RNF220: variants seen among roughly 807,000 people sequenced by gnomAD.
RNF220 encodes E3 ubiquitin-protein ligase RNF220.
Under a neutral mutation model 67.1 loss-of-function variants are expected in RNF220, and 7 were observed. The ratio of observed to expected loss-of-function variants is 0.10; its 90% CI spans 0.06 to 0.20. The LOEUF (loss-of-function observed/expected upper bound fraction) is 0.20. RNF220 is among the 10% of genes least tolerant of loss of function. The pLI is 1.00. For synonymous variants in RNF220, 270 were observed against 283.2 expected (o/e 0.95, Z 0.47); for missense variants, 565 against 740.3 (o/e 0.76, Z 2.75).
chr1:44,478,822 G>A (rs1360211788), intron 2 of RNF220, among the ~76,000 whole-genome samples: 2 of 152,198 alleles, frequency 1.3e-5, no homozygotes, highest in Non-Finnish European at 2.9e-5. Flanking sequence ...GGTCCTAGGG[G>A]TTGAGAATGC....
intron 2 of RNF220, among the ~76,000 whole-genome samples, chr1:44,607,071 T>C (rs1221598069): frequency 6.6e-6 from 1 of 152,186 alleles, no homozygotes; most frequent in Non-Finnish European, 1.5e-5. Flanking sequence ...CTTAACTCTT[T>C]TCTGTCCCTT....
At chr1:44,647,338 C>T (rs747867362) in intron 12 of RNF220, among the ~76,000 whole-genome samples, 2 of 152,200 alleles carry the variant, frequency 1.3e-5, no homozygotes, top group Non-Finnish European at 2.9e-5. Flanking sequence ...AAATCCTTGT[C>T]TCCTTATCAG....
At chr1:44,580,754 G>C (rs1306763203) in intron 2 of RNF220, among the ~76,000 whole-genome samples, 2 of 152,200 alleles carry the variant, frequency 1.3e-5, no homozygotes, top group African/African-American at 4.8e-5. Context: ...GCCTCTCCCA[G>C]CCTTCAGAGC....
intron 1 of RNF220, 66 bp downstream of exon 1, chr1:44,405,596 C>G (rs1643356151): frequency 3.3e-6 from 1 of 300,416 alleles, no homozygotes; most frequent in South Asian, 7.8e-5. Flanking sequence ...CGAGGGCGGC[C>G]GGCTTGTTCA....
chr1:44,474,378 AAATAATAATAAT>A (rs61147848), intron 2 of RNF220, among the ~76,000 whole-genome samples: 6,813 of 137,602 alleles, frequency 0.05, 595 homozygotes, highest in African/African-American at 0.17. Flanking sequence ...CTGTCTCCAA[AAATAATAATAAT>A]AATAATAATA....
chr1:44,447,927 G>A (rs1018044099), intron 2 of RNF220, among the ~76,000 whole-genome samples: 1 of 152,194 alleles, frequency 6.6e-6, no homozygotes. Context: ...TAACAGCTTT[G>A]CGCGTCGCTT....
chr1:44,526,034 A>T (rs761262629), intron 2 of RNF220, among the ~76,000 whole-genome samples: 1 of 152,028 alleles, frequency 6.6e-6, no homozygotes, highest in Non-Finnish European at 1.5e-5. Context: ...TTCCTGCCCG[A>T]CCTTGACCCT....
chr1:44,503,036 T>G (rs1388090284), intron 2 of RNF220, among the ~76,000 whole-genome samples: 1 of 152,100 alleles, frequency 6.6e-6, no homozygotes, highest in Non-Finnish European at 1.5e-5. Context: ...TGGGTGCATT[T>G]GAAGTGTTTA....
chr1:44,559,670 C>T lies in RNF220; in HGVS notation c.626-54495C>T, dbSNP rs147105673. Among the ~76,000 whole-genome samples, 162 of 152,292 alleles carry T rather than the reference C, an allele frequency of 1.1e-3. No individual in the cohort carries two copies. In the East Asian group the frequency reaches 0.012, roughly 11 times the overall value. ...CTGTTAGGAAGAGGGGGCCACGGCCCTGACTCCAGGAAGCCAGAGCTGAAG... is the reference window on the plus strand; with the variant it reads ...CTGTTAGGAAGAGGGGGCCACGGCCTTGACTCCAGGAAGCCAGAGCTGAAG... On this transcript the variant is annotated intron_variant, in intron 2 of 14. Transcript: ENST00000361799.
chr1:44,449,614 A>G (rs2147924866), intron 2 of RNF220, among the ~76,000 whole-genome samples: 2 of 152,144 alleles, frequency 1.3e-5, no homozygotes, highest in Admixed American at 1.3e-4. Flanking sequence ...CGGTTTTGTC[A>G]TGTTGTCCAG....
At chr1:44,499,804 C>A (rs927768524) in intron 2 of RNF220, among the ~76,000 whole-genome samples, 1 of 152,218 alleles carries the variant, frequency 6.6e-6, no homozygotes, top group Non-Finnish European at 1.5e-5. Flanking sequence ...AAGTCCAAAA[C>A]TGAACTCCTT....
chr1:44,508,909 G>T (rs1453308469), intron 2 of RNF220, among the ~76,000 whole-genome samples: 1 of 152,070 alleles, frequency 6.6e-6, no homozygotes, highest in African/African-American at 2.4e-5. Context: ...CCTTTTTTAT[G>T]ATGAAGAAAC....
At chr1:44,551,415 A>AT (rs34388887) in intron 2 of RNF220, among the ~76,000 whole-genome samples, 124,443 of 151,380 alleles carry the variant, frequency 0.82, 53,784 homozygotes, top group Non-Finnish European at 0.97. Context: ...GTGCCCGGCC[A>AT]TTTTTTTTGT....
At chr1:44,476,490 T>A (rs746726157) in intron 2 of RNF220, among the ~76,000 whole-genome samples, 6 of 152,184 alleles carry the variant, frequency 3.9e-5, no homozygotes, top group Non-Finnish European at 8.8e-5. Context: ...GCTGGGTAGT[T>A]GTACCGGGAT....
At chr1:44,496,975 G>A (rs2148069975) in intron 2 of RNF220, among the ~76,000 whole-genome samples, 1 of 152,262 alleles carries the variant, frequency 6.6e-6, no homozygotes. Context: ...CCTGCCTCCT[G>A]CTGGCTTGGT....
intron 2 of RNF220, among the ~76,000 whole-genome samples, chr1:44,577,589 G>T (rs529597375): frequency 8.5e-4 from 129 of 152,336 alleles, no homozygotes; most frequent in Non-Finnish European, 1.6e-3. Flanking sequence ...TTACCAAGGA[G>T]CTTTTGCTTT....
chr1:44,613,452 G>A (rs1185660473), intron 2 of RNF220, among the ~76,000 whole-genome samples: 1 of 152,240 alleles, frequency 6.6e-6, no homozygotes, highest in Non-Finnish European at 1.5e-5. Context: ...TGGCAACAGA[G>A]GCGGTTTAAA....
At chr1:44,448,939 C>G (rs1026219055) in intron 2 of RNF220, among the ~76,000 whole-genome samples, 1 of 152,220 alleles carries the variant, frequency 6.6e-6, no homozygotes, top group Non-Finnish European at 1.5e-5. Context: ...AGACACTGCT[C>G]TCTCCTAGGC....
At chr1:44,558,784 T>C (rs767072181) in intron 2 of RNF220, among the ~76,000 whole-genome samples, 3 of 152,214 alleles carry the variant, frequency 2.0e-5, no homozygotes, top group African/African-American at 4.8e-5. Context: ...GCAATCAACA[T>C]GACATGTTAT....
Sources: gnomAD v4.1 joint callset for allele counts (sites outside exome capture counted in the v4.1 genomes callset) on GRCh38, gnomAD v4.1.1 for gene constraint, MANE v1.5 for transcripts, NCBI Gene and HGNC (gene_info 2026-07-23, HGNC 2026-07-21) for gene names.